Variants in ZNF273 observed in about 807,000 individuals in gnomAD.
ZNF273 encodes the protein zinc finger protein 9.
A neutral mutation model predicts 14.9 loss-of-function variants in ZNF273; 11 were observed. That is an observed-to-expected ratio of 0.74 (90% CI 0.46 to 1.22). The LOEUF is 1.22. Among genes scored for constraint, ZNF273 ranks in the 50% most tolerant of loss-of-function variants. The probability of loss-of-function intolerance (pLI) is 0.00; values close to 1 mark genes in which losing one functional copy is unlikely to be tolerated. For missense variants in ZNF273, 577 were observed against 660.6 expected (o/e 0.87, Z 1.39); for synonymous variants, 199 against 223.9 (o/e 0.89, Z 0.99).
upstream of ZNF273, among the ~76,000 whole-genome samples, chr7:64,901,007 T>TTTA (rs201414657): frequency 4.7e-3 from 370 of 78,588 alleles, 8 homozygotes; most frequent in East Asian, 0.11. Flanking sequence ...CCTTTATTTA[T>TTTA]TTTTTTTTTT....
chr7:64,883,760 C>T (rs1389547300), downstream of ZNF273, among the ~76,000 whole-genome samples: 1 of 152,168 alleles, frequency 6.6e-6, no homozygotes, highest in Non-Finnish European at 1.5e-5. Context: ...TGTCCTGCAC[C>T]CCGGCCTCCT....
intron 3 of ZNF273, among the ~76,000 whole-genome samples, chr7:64,921,752 A>G (rs1794478622): frequency 1.3e-5 from 2 of 151,114 alleles, no homozygotes; most frequent in South Asian, 4.2e-4. Flanking sequence ...CAGCCTCCCA[A>G]GTAACTGGGA....
chr7:64,906,170 T>C (rs1793097399), intron 1 of ZNF273, among the ~76,000 whole-genome samples: 1 of 152,206 alleles, frequency 6.6e-6, no homozygotes, highest in South Asian at 2.1e-4. Context: ...TAGTAGATAA[T>C]TGGTGAGTTA....
upstream of ZNF273, among the ~76,000 whole-genome samples, chr7:64,900,469 T>A (rs1455143210): frequency 6.6e-6 from 1 of 152,208 alleles, no homozygotes; most frequent in African/African-American, 2.4e-5. Flanking sequence ...GTTTCCCTTT[T>A]AACCAAAAGC....
intron 1 of ZNF273, among the ~76,000 whole-genome samples, chr7:64,908,833 G>A (rs1232894396): frequency 1.3e-5 from 2 of 152,206 alleles, no homozygotes; most frequent in Admixed American, 1.3e-4. Flanking sequence ...TGTTGCTGCA[G>A]AGGACATAAC....
downstream of ZNF273, among the ~76,000 whole-genome samples, chr7:64,884,347 C>T (rs1240199943): frequency 1.3e-5 from 2 of 152,184 alleles, no homozygotes; most frequent in East Asian, 3.9e-4. Context: ...CTCATTCTCC[C>T]ATTTGAGCCT....
chr7:64,885,267 C>T (rs892046463), intron 1 of ZNF273, among the ~76,000 whole-genome samples: 5 of 152,236 alleles, frequency 3.3e-5, no homozygotes, highest in Admixed American at 2.6e-4. Context: ...TCTCTGTGGT[C>T]CTGGCTTTGC....
chr7:64,888,193 A>C (rs936874168), intron 1 of ZNF273: 1 of 699,122 alleles, frequency 1.4e-6, no homozygotes, highest in African/African-American at 1.9e-5. Context: ...ATTTCACCCC[A>C]TTCCCTGAAG....
chr7:64,881,712 TC>T (rs1193439645), downstream of ZNF273, among the ~76,000 whole-genome samples: 3 of 152,140 alleles, frequency 2.0e-5, no homozygotes, highest in Non-Finnish European at 4.4e-5. Context: ...CTGACTTCAC[TC>T]CAGGTCATGG....
chr7:64,892,052 G>C (rs1792069200), downstream of ZNF273, among the ~76,000 whole-genome samples: 2 of 152,142 alleles, frequency 1.3e-5, no homozygotes, highest in Admixed American at 1.3e-4. Context: ...CTGGCTCCTA[G>C]GTGTCCACAC....
chr7:64,885,280 C>G (rs1011732478), intron 1 of ZNF273, among the ~76,000 whole-genome samples: 1 of 152,228 alleles, frequency 6.6e-6, no homozygotes, highest in Non-Finnish European at 1.5e-5. Context: ...GGCTTTGCCT[C>G]CTCCAAGGTG....
In ZNF273 at chr7:64,917,702, T is replaced by C. The variant is rs770531951; in HGVS notation, c.224T>C (p.Phe75Ser). ...TTAGATAACTACAGAAACCTGGTCTTCCTGGGTGAGGATAATTTTAATACA... is the reference window on the plus strand; with the variant it reads ...TTAGATAACTACAGAAACCTGGTCTCCCTGGGTGAGGATAATTTTAATACA... Reference protein sequence around the residue: ...VMLDNYRNLVFLGIAVSKPDL... With the variant: ...VMLDNYRNLVSLGIAVSKPDL... The change falls in exon 2 of 4, where the codon TTC becomes TCC. Residue 75 changes from phenylalanine (F) to serine (S), a missense_variant. Transcript: ENST00000476120. The C allele has an allele frequency of 6.3e-7, 1 of 1,588,606 alleles. No individual in the cohort carries two copies. Among genetic ancestry groups the C allele is most frequent in the East Asian group, 2.3e-5 (1 of 43,954 alleles).
At chr7:64,901,553 G>A (rs958407836), upstream of ZNF273, among the ~76,000 whole-genome samples, 1 of 152,182 alleles carries the variant, frequency 6.6e-6, no homozygotes, top group Non-Finnish European at 1.5e-5. Flanking sequence ...TCTCATTGAT[G>A]TAGTCAGGTC....
chr7:64,928,060 C>A lies in ZNF273; in HGVS notation c.732C>A (p.Asn244Lys), dbSNP rs1366718659. ...YKCKTCGKAF[N>K]QFSNLTKHKI... ...GTAAGACATGTGGAAAAGCCTTTAA[C>A]CAGTTCTCAAATCTTACTAAACATA... The change falls in exon 4 of 4, where the codon AAC becomes AAA. Residue 244 changes from asparagine (N) to lysine (K), a missense_variant. Asn to Lys is a moderately conservative substitution (Grantham distance 94). Around this residue, in one of 3 missense-constraint regions of ZNF273, gnomAD observed 411 missense variants for 440.4 expected, o/e 0.93. Transcript: ENST00000476120. 8 of 1,610,826 alleles carry A rather than the reference C, an allele frequency of 5.0e-6. No homozygotes were observed. Among genetic ancestry groups the A allele is most frequent in the East Asian group, 2.2e-5 (1 of 44,644 alleles).
At chr7:64,925,351 G>T (rs1414063795) in intron 3 of ZNF273, among the ~76,000 whole-genome samples, 1 of 151,910 alleles carries the variant, frequency 6.6e-6, no homozygotes, top group Non-Finnish European at 1.5e-5. Context: ...GGGGTACCTT[G>T]GGGATTACAT....
upstream of ZNF273, among the ~76,000 whole-genome samples, chr7:64,899,824 G>T (rs1220877887): frequency 6.7e-6 from 1 of 149,470 alleles, no homozygotes; most frequent in Non-Finnish European, 1.5e-5. Flanking sequence ...GCAATGGCGT[G>T]ATCTTGGCTC....
downstream of ZNF273, chr7:64,888,894 A>C: frequency 1.0e-6 from 1 of 984,876 alleles, no homozygotes; most frequent in Middle Eastern, 5.2e-4. Context: ...GGAGGCCCTG[A>C]GTGCCAGAGT....
At chr7:64,919,839 A>C (rs1794299690) in intron 3 of ZNF273, among the ~76,000 whole-genome samples, 1 of 151,962 alleles carries the variant, frequency 6.6e-6, no homozygotes, top group Non-Finnish European at 1.5e-5. Flanking sequence ...GGTTTTTAAA[A>C]GATAAGATCA....
rs758958915 is a variant in ZNF273, at chr7:64,917,602, G to A, written c.124G>A (p.Val42Met). Residue 42 changes from valine (V) to methionine (M), a missense_variant, in exon 2 of 4, where the codon GTG becomes ATG. Physicochemically the swap from Val to Met is conservative, Grantham distance 21. Around this residue, in one of 3 missense-constraint regions of ZNF273, gnomAD observed 162 missense variants for 203.5 expected, o/e 0.80. Coordinates refer to ENST00000476120, the MANE Select transcript of ZNF273 (RefSeq NM_021148.3). ...LEMGPLTFRD[V>M]AIEFSLEEWQ... Reference sequence around the variant, plus strand: ...TCAGGGACCACTGACATTTAGGGATGTGGCCATAGAATTCTCTCTGGAGGA... The same window carrying A: ...TCAGGGACCACTGACATTTAGGGATATGGCCATAGAATTCTCTCTGGAGGA... 5.6e-6 allele frequency: 9 copies of A among 1,599,160 alleles called. No individual in the cohort carries two copies. The highest frequency in any genetic ancestry group is 4.4e-5 in the South Asian group (4 of 90,960).
Sources: gnomAD v4.1 joint callset for allele counts (sites outside exome capture counted in the v4.1 genomes callset) on GRCh38, gnomAD v4.1.1 for gene constraint, gnomAD v4.1.1 regional missense constraint, MANE v1.5 for transcripts, NCBI Gene and HGNC (gene_info 2026-07-23, HGNC 2026-07-21) for gene names.